The following NSDHL variants were observed in gnomAD, a reference collection of about 807,000 sequenced individuals.
NSDHL encodes the protein sterol-4-alpha-carboxylate 3-dehydrogenase, decarboxylating.
Under a neutral mutation model 23.0 loss-of-function variants are expected in NSDHL, and 1 was observed. That is an observed-to-expected ratio of 0.04 (90% CI 0.02 to 0.21). NSDHL has a LOEUF of 0.21. NSDHL is among the 10% of genes least tolerant of loss of function. The pLI, the probability that NSDHL is intolerant of heterozygous loss-of-function variation, is 1.00. For missense variants in NSDHL, 237 were observed against 300.9 expected (o/e 0.79, Z 1.57); for synonymous variants, 128 against 121.1 (o/e 1.06, Z -0.37).
intron 3 of NSDHL, among the ~76,000 whole-genome samples, chrX:152,851,441 C>T (rs1011797180): frequency 5.4e-5 from 6 of 111,432 alleles, no homozygotes; most frequent in African/African-American, 1.3e-4. Context: ...ATCCTGTGCC[C>T]GTTGTACTTA....
chrX:152,837,921 G>A (rs1160907839), intron 1 of NSDHL, among the ~76,000 whole-genome samples: 2 of 111,506 alleles, frequency 1.8e-5, no homozygotes, highest in Non-Finnish European at 3.8e-5. Context: ...GAATCCGTCC[G>A]GTCCTGGCCT....
chrX:152,867,482 A>G, intron 6 of NSDHL, 89 bp from the exon 7 acceptor site: 2 of 675,535 alleles, frequency 3.0e-6, no homozygotes, highest in South Asian at 2.2e-5. Flanking sequence ...TGTAGGTCAC[A>G]GTCTCTCAAA....
At chrX:152,856,004 G>A (rs1456180717) in intron 3 of NSDHL, among the ~76,000 whole-genome samples, 1 of 112,153 alleles carries the variant, frequency 8.9e-6, no homozygotes, top group Non-Finnish European at 1.9e-5. Context: ...TTTAATTTAC[G>A]ATTCCCTTCA....
chrX:152,848,030 T>C (rs1166524998), intron 2 of NSDHL, among the ~76,000 whole-genome samples: 1 of 109,769 alleles, frequency 9.1e-6, no homozygotes, highest in African/African-American at 3.3e-5. Context: ...ACCTGGCTAA[T>C]TTTTTGTATT....
intron 1 of NSDHL, among the ~76,000 whole-genome samples, chrX:152,840,235 G>A (rs1556844696): frequency 1.8e-5 from 2 of 111,887 alleles, no homozygotes; most frequent in African/African-American, 6.5e-5. Flanking sequence ...GCTTCCTTGC[G>A]ATGGGTTAGA....
At chrX:152,850,184 G>A in intron 2 of NSDHL, 81 bp from the exon 3 acceptor site, 1 of 997,538 alleles carries the variant, frequency 1.0e-6, no homozygotes, top group Non-Finnish European at 1.4e-6. Context: ...CATTGCAGTG[G>A]CTCATGATAT....
chrX:152,839,793 C>T (rs781910277), intron 1 of NSDHL, among the ~76,000 whole-genome samples: 2 of 111,889 alleles, frequency 1.8e-5, no homozygotes, highest in South Asian at 3.7e-4. Flanking sequence ...TTGCTCTTCT[C>T]GAGGAGTATC....
At position 152,869,396 on chromosome X, in the gene NSDHL, C is replaced by T. The variant is rs1556848646; in HGVS notation, c.*280C>T. 5.3e-6 allele frequency: 2 copies of T among 375,767 alleles called. No homozygotes were observed. Among genetic ancestry groups the T allele is most frequent in the African/African-American group, 5.1e-5 (2 of 39,069 alleles). 31.0% of individuals were successfully genotyped at this position (375,767 alleles called of 1,213,427 possible). A position where few individuals can be genotyped will look rare whatever the true frequency, so the allele number is the denominator to read the frequency against. ...GTCTCTCTGTTTACCCCCTCCCTTG[C>T]CCCCTCTTCTGGTTTATACATTTCA... is the stretch of plus-strand genomic sequence containing the variant. On this transcript the variant is annotated 3_prime_UTR_variant, in exon 8 of 8. Transcript: ENST00000370274.
intron 4 of NSDHL, among the ~76,000 whole-genome samples, chrX:152,859,872 G>A (rs781957600): frequency 3.1e-4 from 35 of 112,075 alleles, no homozygotes; most frequent in Non-Finnish European, 5.5e-4. Context: ...CAATAGAAAC[G>A]TGTTATAACT....
At chrX:152,848,897 G>T (rs781976901) in intron 2 of NSDHL, among the ~76,000 whole-genome samples, 1 of 112,782 alleles carries the variant, frequency 8.9e-6, no homozygotes, top group Admixed American at 9.4e-5. Flanking sequence ...ATACATCTCA[G>T]TCCAGGTGCA....
chrX:152,855,839 G>T (rs1933436747), intron 3 of NSDHL, among the ~76,000 whole-genome samples: 1 of 112,250 alleles, frequency 8.9e-6, no homozygotes, highest in Non-Finnish European at 1.9e-5. Context: ...AAAAGATAAG[G>T]ATTATTTTTA....
chrX:152,838,253 G>C (rs111492617), intron 1 of NSDHL, among the ~76,000 whole-genome samples: 1 of 111,356 alleles, frequency 9.0e-6, no homozygotes, highest in African/African-American at 3.3e-5. Context: ...ACCAGCTCCT[G>C]GATTCACTGA....
chrX:152,861,968 A>G (rs1407629352), intron 4 of NSDHL, among the ~76,000 whole-genome samples: 1 of 112,272 alleles, frequency 8.9e-6, no homozygotes, highest in Non-Finnish European at 1.9e-5. Context: ...ATCTTACCCT[A>G]CCACTCTGGC....
intron 1 of NSDHL, among the ~76,000 whole-genome samples, chrX:152,837,950 A>G (rs145241728): frequency 0.11 from 12,252 of 111,121 alleles, 645 homozygotes; most frequent in Admixed American, 0.19. Context: ...TTGGTAGGCT[A>G]TTAATTATTG....
intron 3 of NSDHL, among the ~76,000 whole-genome samples, chrX:152,853,071 G>A (rs1397889305): frequency 7.3e-5 from 8 of 109,013 alleles, no homozygotes; most frequent in African/African-American, 2.4e-4. Flanking sequence ...ATTAATTACT[G>A]TCTAGAAGCT....
At chrX:152,852,183 A>G (rs954764759) in intron 3 of NSDHL, among the ~76,000 whole-genome samples, 1 of 111,083 alleles carries the variant, frequency 9.0e-6, no homozygotes, top group Non-Finnish European at 1.9e-5. Flanking sequence ...AAGTTTCTCC[A>G]GAGAAACACC....
intron 2 of NSDHL, 71 bp from the exon 3 acceptor site, chrX:152,850,194 T>C: frequency 1.9e-6 from 2 of 1,059,590 alleles, no homozygotes; most frequent in Non-Finnish European, 2.6e-6. Context: ...GCTCATGATA[T>C]GTAAGTCTGG....
intron 3 of NSDHL, among the ~76,000 whole-genome samples, chrX:152,852,767 C>T (rs1556846460): frequency 9.0e-6 from 1 of 110,950 alleles, no homozygotes; most frequent in African/African-American, 3.3e-5. Context: ...CCAAAGTGCC[C>T]ATCCTGGTGC....
rs1933664789 is a variant in NSDHL, at chrX:152,869,094, G to A, written c.1100G>A (p.Arg367His). ...DAMERTVQSF[R>H]HLRRVK ...ATGGAGAGGACCGTGCAGAGCTTTC[G>A]CCACCTGCGGAGGGTCAAGTGAGGG... is the stretch of plus-strand genomic sequence containing the variant. Residue 367 changes from arginine to histidine, a missense_variant, in exon 8 of 8, where the codon CGC becomes CAC. Coordinates refer to ENST00000370274, the MANE Select transcript of NSDHL (RefSeq NM_015922.3). The A allele has an allele frequency of 8.3e-7, 1 of 1,209,500 alleles. No homozygotes were observed. The highest frequency in any genetic ancestry group is 1.7e-5 in the African/African-American group (1 of 57,376).
Sources: allele counts gnomAD v4.1 joint callset (sites outside exome capture counted in the v4.1 genomes callset), GRCh38; gene constraint gnomAD v4.1.1; transcripts MANE v1.5; gene names NCBI Gene and HGNC (gene_info 2026-07-23, HGNC 2026-07-21).